TMEM163: variants seen among roughly 807,000 people sequenced by gnomAD.
TMEM163 encodes the protein transmembrane protein 163.
In TMEM163, 17 loss-of-function variants were observed where a neutral mutation model predicts 29.3. The observed-to-expected ratio is 0.58, with a 90% CI of 0.40 to 0.87. The LOEUF is 0.87. TMEM163 is among the 40% of genes least tolerant of loss of function. The pLI, the probability that TMEM163 is intolerant of heterozygous loss-of-function variation, is 0.00. For missense variants in TMEM163, 303 were observed against 381.5 expected (o/e 0.79, Z 1.71); for synonymous variants, 157 against 160.6 (o/e 0.98, Z 0.17).
At chr2:134,606,086 G>A (rs906678584) in intron 2 of TMEM163, among the ~76,000 whole-genome samples, 2 of 152,140 alleles carry the variant, frequency 1.3e-5, no homozygotes, top group African/African-American at 4.8e-5. Flanking sequence ...AAATGGGTTA[G>A]TTTTGGTAAA....
intron 4 of TMEM163, among the ~76,000 whole-genome samples, chr2:134,520,638 A>G (rs1216531757): frequency 6.6e-6 from 1 of 152,240 alleles, no homozygotes; most frequent in Non-Finnish European, 1.5e-5. Flanking sequence ...TTACACTCTC[A>G]TCTTCCTATG....
rs555828822 is a variant in TMEM163, at chr2:134,701,874, C to T, written c.322+11326G>A. On this transcript the variant is annotated intron_variant, in intron 2 of 7. Transcript: ENST00000281924. ...CGGAGGTTGCAGACAGCTGAGATCA[C>T]GCCACTGCACTCCAGGCTGGGAGAC... Among the ~76,000 whole-genome samples the T allele has an allele frequency of 9.4e-4, 139 of 147,832 alleles. 4 individuals carry two copies. The South Asian group carries it at 0.024, about 26-fold the overall frequency.
intron 2 of TMEM163, among the ~76,000 whole-genome samples, chr2:134,561,847 TACTGAGC>T (rs1681190252): frequency 6.6e-6 from 1 of 152,214 alleles, no homozygotes. Context: ...AACAAGTGCT[TACTGAGC>T]ACCTACTATG....
intron 5 of TMEM163, among the ~76,000 whole-genome samples, chr2:134,497,985 A>G (rs79734886): frequency 1.3e-5 from 2 of 152,372 alleles, no homozygotes; most frequent in East Asian, 3.9e-4. Context: ...AACCTTGATT[A>G]GCAATTCAGA....
At chr2:134,457,930 A>C (rs1214992529) in intron 7 of TMEM163, 102 bp downstream of exon 7, 1 of 1,565,092 alleles carries the variant, frequency 6.4e-7, no homozygotes, top group East Asian at 2.2e-5. Flanking sequence ...ACAGGTACAA[A>C]ATATGACCTT....
In TMEM163 at chr2:134,713,170, A is replaced by G. The variant is rs372849179; in HGVS notation, c.322+30T>C. The G allele has an allele frequency of 1.7e-5, 28 of 1,609,014 alleles. No homozygotes were observed. The African/African-American group carries it at 3.5e-4, about 20-fold the overall frequency. ...AGAATAAAACGGGCAACAGCAGCAC[A>G]TATTGGCCGACGAGACCCTTGATAC... On this transcript the variant is annotated intron_variant, in intron 2 of 7. Coordinates refer to ENST00000281924, the MANE Select transcript of TMEM163 (RefSeq NM_030923.5).
At chr2:134,613,020 T>C (rs1682539584) in intron 2 of TMEM163, among the ~76,000 whole-genome samples, 1 of 152,132 alleles carries the variant, frequency 6.6e-6, no homozygotes, top group African/African-American at 2.4e-5. Context: ...TCTTTAAAAA[T>C]ATCACAACAA....
intron 2 of TMEM163, among the ~76,000 whole-genome samples, chr2:134,651,299 G>A (rs1411394086): frequency 1.4e-5 from 2 of 139,722 alleles, no homozygotes; most frequent in Non-Finnish European, 3.0e-5. Flanking sequence ...GGCCAGTGAT[G>A]ATGAGCATTT....
chr2:134,465,205 A>C (rs974840807), intron 6 of TMEM163, among the ~76,000 whole-genome samples: 22 of 130,950 alleles, frequency 1.7e-4, no homozygotes, highest in Admixed American at 5.8e-4. Flanking sequence ...AAAAAAAAAC[A>C]AAAACAAAAC....
chr2:134,465,219 A>T (rs921018316), intron 6 of TMEM163, among the ~76,000 whole-genome samples: 2 of 135,920 alleles, frequency 1.5e-5, no homozygotes, highest in Non-Finnish European at 3.0e-5. Context: ...ACAAAACAAA[A>T]ATATATATAT....
chr2:134,584,636 TAAA>T lies in TMEM163; in HGVS notation c.323-32548_323-32546del, dbSNP rs34838986. Among the ~76,000 whole-genome samples the T allele has an allele frequency of 4.6e-4, 59 of 126,946 alleles. No individual in the cohort carries two copies. In the South Asian group the frequency reaches 7.2e-3, roughly 16 times the overall value. The allele number at this position is 126,946 out of a possible 152,430, so 83.3% of individuals were successfully genotyped here. A position where few individuals can be genotyped will look rare whatever the true frequency, so the allele number is the denominator to read the frequency against. ...TAGAAGACCTCTCTGAAATTTCTAG[TAAA>T]AAAAAAAAAAAAAAAGTACAAAGGC... is the stretch of plus-strand genomic sequence containing the variant. On this transcript the variant is annotated intron_variant, in intron 2 of 7. Coordinates refer to ENST00000281924, the MANE Select transcript of TMEM163 (RefSeq NM_030923.5).
intron 1 of TMEM163, among the ~76,000 whole-genome samples, chr2:134,718,036 C>T (rs987012521): frequency 6.6e-6 from 1 of 152,210 alleles, no homozygotes. Context: ...TCTGCAGACG[C>T]GCCCTCCGGA....
chr2:134,653,687 G>A (rs200863758), intron 2 of TMEM163, among the ~76,000 whole-genome samples: 1 of 80,000 alleles, frequency 1.3e-5, no homozygotes, highest in Non-Finnish European at 2.4e-5. Flanking sequence ...GGCATTTAGT[G>A]CTATAAATTT....
chr2:134,529,488 T>A (rs998083775), intron 4 of TMEM163, among the ~76,000 whole-genome samples: 2 of 151,682 alleles, frequency 1.3e-5, no homozygotes, highest in African/African-American at 4.8e-5. Context: ...GTGGCTCACA[T>A]CTGTAATTCA....
chr2:134,467,584 C>T (rs988616745), intron 5 of TMEM163: 1 of 152,168 alleles, frequency 6.6e-6, no homozygotes, highest in Non-Finnish European at 1.5e-5. Context: ...CGACTCCTCA[C>T]GTGTCAAGGT....
intron 2 of TMEM163, among the ~76,000 whole-genome samples, chr2:134,649,738 A>G (rs1209346194): frequency 1.3e-5 from 2 of 152,128 alleles, no homozygotes; most frequent in Non-Finnish European, 2.9e-5. Flanking sequence ...ATATAGGCTG[A>G]GCATGGTGAC....
chr2:134,519,193 A>C (rs1680139972), intron 4 of TMEM163, among the ~76,000 whole-genome samples: 1 of 152,226 alleles, frequency 6.6e-6, no homozygotes, highest in South Asian at 2.1e-4. Flanking sequence ...TCGCTAGACC[A>C]AGCCAAATAA....
intron 2 of TMEM163, among the ~76,000 whole-genome samples, chr2:134,709,629 C>A (rs895277068): frequency 1.3e-5 from 2 of 152,096 alleles, no homozygotes; most frequent in Non-Finnish European, 2.9e-5. Context: ...ACTTGTAAAC[C>A]GCAAATAAAA....
At chr2:134,613,094 A>T (rs890234937) in intron 2 of TMEM163, among the ~76,000 whole-genome samples, 1 of 152,246 alleles carries the variant, frequency 6.6e-6, no homozygotes, top group African/African-American at 2.4e-5. Context: ...CAGATAAAAT[A>T]CTAGAGTTGA....
Sources: allele counts gnomAD v4.1 joint callset (sites outside exome capture counted in the v4.1 genomes callset), GRCh38; gene constraint gnomAD v4.1.1; transcripts MANE v1.5; gene names NCBI Gene and HGNC (gene_info 2026-07-23, HGNC 2026-07-21).